The following DNAJB1 variants were observed in gnomAD, a reference collection of about 807,000 sequenced individuals.
DNAJB1 encodes the protein DnaJ heat shock protein family (Hsp40) member B1.
Under a neutral mutation model 24.0 loss-of-function variants are expected in DNAJB1, and 14 were observed. The observed-to-expected ratio is 0.58, with a 90% CI of 0.39 to 0.91. DNAJB1 has a LOEUF of 0.91. DNAJB1 is among the 40% of genes least tolerant of loss of function. The pLI, the probability that DNAJB1 is intolerant of heterozygous loss-of-function variation, is 0.00. For missense variants in DNAJB1, 517 were observed against 458.1 expected (o/e 1.13, Z -1.17); for synonymous variants, 262 against 174.4 (o/e 1.50, Z -3.96).
chr19:14,545,414 C>CGCTGACTCCTCTCCACA (rs2073270743), intron 1 of DNAJB1, among the ~76,000 whole-genome samples: 1 of 152,186 alleles, frequency 6.6e-6, no homozygotes, highest in Admixed American at 6.5e-5. Flanking sequence ...CCCTCTGCAC[C>CGCTGACTCCTCTCCACA]GCTGTCTCCT....
chr19:14,519,975 C>T (rs1249873233), upstream of DNAJB1, among the ~76,000 whole-genome samples: 1 of 152,134 alleles, frequency 6.6e-6, no homozygotes, highest in Non-Finnish European at 1.5e-5. Flanking sequence ...AGGTCAGAGC[C>T]ATGTAACACT....
upstream of DNAJB1, among the ~76,000 whole-genome samples, chr19:14,551,951 CT>C (rs2073532650): frequency 1.9e-5 from 2 of 104,492 alleles, no homozygotes; most frequent in Admixed American, 9.5e-5. Context: ...CCCTCCCTCT[CT>C]CTCTCTCTCT....
intron 1 of DNAJB1, among the ~76,000 whole-genome samples, chr19:14,550,162 A>G (rs1438667505): frequency 5.3e-5 from 8 of 152,162 alleles, no homozygotes; most frequent in African/African-American, 1.7e-4. Context: ...AGTCCTTAAC[A>G]GGGCCTGGCA....
At chr19:14,543,102 C>T (rs1382620804) in intron 1 of DNAJB1, among the ~76,000 whole-genome samples, 2 of 149,356 alleles carry the variant, frequency 1.3e-5, no homozygotes, top group Admixed American at 6.8e-5. Context: ...GGGAAGTTAA[C>T]ACAAGCCCTG....
chr19:14,530,107 G>A (rs1406579574), upstream of DNAJB1: 1 of 337,206 alleles, frequency 3.0e-6, no homozygotes, highest in African/African-American at 2.1e-5. Flanking sequence ...AGCGTAGGAA[G>A]GGGCTTTGCT....
At chr19:14,524,848 A>AAAAAAAAAAAAC (rs2072401471) in intron 2 of DNAJB1, among the ~76,000 whole-genome samples, 1 of 150,978 alleles carries the variant, frequency 6.6e-6, no homozygotes, top group African/African-American at 2.4e-5. Context: ...TCGTTCTCAA[A>AAAAAAAAAAAAC]AAAAAAAGAC....
In DNAJB1 at chr19:14,515,904, A is replaced by T; in HGVS notation, c.*36T>A. The T allele has an allele frequency of 6.3e-7, 1 of 1,593,106 alleles. No individual in the cohort carries two copies. Among genetic ancestry groups the T allele is most frequent in the Non-Finnish European group, 8.5e-7 (1 of 1,171,138 alleles). ...AGGTCCAGAAATCCTTGAGCTCTGG[A>T]AAGGTCCCTGGTCAGTCCTTGGGGA... On this transcript the variant is annotated 3_prime_UTR_variant, in exon 3 of 3. Coordinates refer to ENST00000254322, the MANE Select transcript of DNAJB1 (RefSeq NM_006145.3).
intron 2 of DNAJB1, among the ~76,000 whole-genome samples, chr19:14,526,306 T>G (rs985992859): frequency 6.6e-6 from 1 of 152,202 alleles, no homozygotes; most frequent in African/African-American, 2.4e-5. Flanking sequence ...CAGCAGGATC[T>G]AGCTGTCCCT....
rs1243971247 is a variant in DNAJB1 at position 14,518,126 on chromosome 19, C to T, written c.211+13G>A. 1 of 1,495,622 alleles carries T rather than the reference C, an allele frequency of 6.7e-7. No homozygotes were observed. Among genetic ancestry groups the T allele is most frequent in the African/African-American group, 1.4e-5 (1 of 69,486 alleles). The allele number at this position is 1,495,622 out of a possible 1,614,324, so 92.6% of individuals were successfully genotyped here. On this transcript the variant is annotated intron_variant, in intron 1 of 2. Coordinates refer to ENST00000254322, the MANE Select transcript of DNAJB1 (RefSeq NM_006145.3). ...CAAAAGGCGGGGCCGCGCCCCTGGC[C>T]GCGAGCACACACCTTCCTCCCCGTA...
At chr19:14,518,969 A>T (rs2072331069), upstream of DNAJB1, among the ~76,000 whole-genome samples, 1 of 152,194 alleles carries the variant, frequency 6.6e-6, no homozygotes, top group Admixed American at 6.5e-5. Flanking sequence ...GCGGAGCCTC[A>T]TGCCTGTAAT....
intron 1 of DNAJB1, among the ~76,000 whole-genome samples, chr19:14,556,517 C>G (rs946915619): frequency 1.3e-5 from 2 of 152,144 alleles, no homozygotes; most frequent in Non-Finnish European, 2.9e-5. Flanking sequence ...TGCCCCCACC[C>G]CCTGCTTGCC....
At chr19:14,518,108 C>T (rs757395068) in intron 1 of DNAJB1, 31 bp downstream of exon 1, 8 of 1,443,062 alleles carry the variant, frequency 5.5e-6, no homozygotes, top group Middle Eastern at 1.9e-4. Flanking sequence ...TGTCAAAAGG[C>T]GGGGCCGCGC....
chr19:14,518,610 T>TC (rs1451154683), upstream of DNAJB1, among the ~76,000 whole-genome samples: 2 of 150,100 alleles, frequency 1.3e-5, no homozygotes, highest in African/African-American at 4.9e-5. Context: ...CGGCAACACC[T>TC]CCCCGCGGCG....
upstream of DNAJB1, chr19:14,530,395 C>T (rs1422974383): frequency 1.3e-5 from 2 of 152,780 alleles, no homozygotes; most frequent in South Asian, 4.0e-4. Context: ...ATGTGCTTAT[C>T]GCCCTAGGTG....
intron 1 of DNAJB1, among the ~76,000 whole-genome samples, chr19:14,558,960 G>A (rs936278559): frequency 6.6e-6 from 1 of 152,156 alleles, no homozygotes; most frequent in African/African-American, 2.4e-5. Flanking sequence ...CCTGCCCCCT[G>A]TTGGCCTCAG....
chr19:14,533,582 G>A (rs921682436), upstream of DNAJB1, among the ~76,000 whole-genome samples: 4 of 152,178 alleles, frequency 2.6e-5, no homozygotes, highest in Admixed American at 6.5e-5. Context: ...GGTGCAGGAC[G>A]TGCTGACTGT....
intron 1 of DNAJB1, among the ~76,000 whole-genome samples, chr19:14,556,130 C>T (rs915694109): frequency 1.3e-5 from 2 of 152,190 alleles, no homozygotes; most frequent in Non-Finnish European, 2.9e-5. Context: ...TTTCTGCCCT[C>T]ACCTCCTCCC....
intron 1 of DNAJB1, 77 bp from the exon 2 acceptor site, chr19:14,517,123 G>A: frequency 1.4e-6 from 2 of 1,471,040 alleles, no homozygotes; most frequent in Non-Finnish European, 9.1e-7. Context: ...GGGGGAAACA[G>A]CTTGGAAGCC....
At chr19:14,529,624 G>C (rs374570462), upstream of DNAJB1, 8 of 1,611,510 alleles carry the variant, frequency 5.0e-6, no homozygotes, top group Non-Finnish European at 5.1e-6. Context: ...TGCGAGCGCT[G>C]TAGGGAGCCT....
Sources: gnomAD v4.1 joint callset for allele counts (sites outside exome capture counted in the v4.1 genomes callset) on GRCh38, gnomAD v4.1.1 for gene constraint, MANE v1.5 for transcripts, NCBI Gene and HGNC (gene_info 2026-07-23, HGNC 2026-07-21) for gene names.